PPP2R5E: variants seen among roughly 807,000 people sequenced by gnomAD.
PPP2R5E encodes the protein protein phosphatase 2 regulatory subunit B'epsilon.
In PPP2R5E, 4 loss-of-function variants were observed where a neutral mutation model predicts 65.3. The ratio of observed to expected loss-of-function variants is 0.06; its 90% CI spans 0.03 to 0.14. PPP2R5E has a LOEUF of 0.14. Among genes scored for constraint, PPP2R5E ranks in the 10% least tolerant of loss-of-function variants. PPP2R5E has a pLI of 1.00. For missense variants in PPP2R5E, 274 were observed against 556.1 expected, an observed-to-expected ratio of 0.49 and a Z score of 5.10; for synonymous variants, 183 against 187.4, an observed-to-expected ratio of 0.98 and a Z score of 0.19.
intron 13 of PPP2R5E, among the ~76,000 whole-genome samples, chr14:63,380,413 A>G (rs1219126577): frequency 1.3e-5 from 2 of 152,176 alleles, no homozygotes; most frequent in Non-Finnish European, 2.9e-5. Flanking sequence ...CTGTAATCCC[A>G]GCACTTTGGG....
At chr14:63,516,072 A>G (rs1456742040) in intron 2 of PPP2R5E, among the ~76,000 whole-genome samples, 2 of 151,794 alleles carry the variant, frequency 1.3e-5, no homozygotes, top group African/African-American at 4.8e-5. Flanking sequence ...GATGGTCTCG[A>G]TCTCCTGACC....
At chr14:63,398,508 C>A (rs1885540036) in intron 5 of PPP2R5E, among the ~76,000 whole-genome samples, 1 of 152,146 alleles carries the variant, frequency 6.6e-6, no homozygotes, top group South Asian at 2.1e-4. Context: ...TTGATCATTA[C>A]AGAAAAGCAA....
At chr14:63,524,207 G>A (rs569969978) in intron 2 of PPP2R5E, among the ~76,000 whole-genome samples, 20 of 152,210 alleles carry the variant, frequency 1.3e-4, no homozygotes, top group Non-Finnish European at 2.4e-4. Flanking sequence ...AAAATTTAAC[G>A]TCACTGTGAG....
intron 2 of PPP2R5E, among the ~76,000 whole-genome samples, chr14:63,478,872 C>A (rs952839515): frequency 1.3e-5 from 2 of 152,158 alleles, no homozygotes; most frequent in African/African-American, 4.8e-5. Context: ...CCTGTAATCC[C>A]AGCACTTTGG....
At chr14:63,421,049 T>A (rs1446216847) in intron 4 of PPP2R5E, among the ~76,000 whole-genome samples, 1 of 32,512 alleles carries the variant, frequency 3.1e-5, no homozygotes, top group Non-Finnish European at 4.5e-5. Flanking sequence ...CGAGACTCCG[T>A]CTCAAAAAAA....
intron 2 of PPP2R5E, among the ~76,000 whole-genome samples, chr14:63,454,944 G>A (rs1230453353): frequency 6.6e-6 from 1 of 152,182 alleles, no homozygotes; most frequent in Non-Finnish European, 1.5e-5. Flanking sequence ...CAATCATTGA[G>A]GTCCCACAGG....
intron 5 of PPP2R5E, 36 bp from the exon 6 acceptor site, chr14:63,396,752 C>A (rs143836198): frequency 3.1e-6 from 5 of 1,597,630 alleles, no homozygotes; most frequent in Non-Finnish European, 4.3e-6. Context: ...CTGTCAAAGG[C>A]GGTTTCAGAA....
At chr14:63,418,992 G>A (rs530064150) in intron 4 of PPP2R5E, among the ~76,000 whole-genome samples, 5 of 152,066 alleles carry the variant, frequency 3.3e-5, no homozygotes, top group South Asian at 2.1e-4. Context: ...GATTACAGGC[G>A]TGTGCTGCCA....
intron 2 of PPP2R5E, among the ~76,000 whole-genome samples, chr14:63,486,064 A>T (rs1890978610): frequency 1.3e-5 from 2 of 151,900 alleles, no homozygotes; most frequent in African/African-American, 2.4e-5. Flanking sequence ...TCCTGATTTC[A>T]GGTGATCTGC....
In PPP2R5E at chr14:63,409,551, G is replaced by A. The variant is rs189703389; in HGVS notation, c.549+5589C>T. ...CTATGCCCCATAGGTGATACCAGTAGACATTTTTACAAGTCATCTCATTTT... is the reference window on the plus strand; with the variant it reads ...CTATGCCCCATAGGTGATACCAGTAAACATTTTTACAAGTCATCTCATTTT... On this transcript the variant is annotated intron_variant, in intron 5 of 13. Coordinates refer to ENST00000337537, the MANE Select transcript of PPP2R5E (RefSeq NM_006246.5). Among the ~76,000 whole-genome samples, 80 of 152,280 alleles carry A rather than the reference G, an allele frequency of 5.3e-4. 1 individual carries two copies. The East Asian group carries it at 0.01, about 20-fold the overall frequency.
At chr14:63,447,295 C>G (rs1888532719) in intron 3 of PPP2R5E, among the ~76,000 whole-genome samples, 1 of 152,236 alleles carries the variant, frequency 6.6e-6, no homozygotes, top group Non-Finnish European at 1.5e-5. Context: ...TAGCCACCTT[C>G]ATCAATGTCT....
At position 63,539,678 on chromosome 14, in the gene PPP2R5E, G is replaced by A. The variant is rs373172813; in HGVS notation, c.8C>T (p.Ser3Leu). The stretch of plus-strand genomic sequence containing the variant: ...CACTGATGGAGGAGTAGTTGGTGCT[G>A]AGGACATATCCCTACTGAAGAGAAA... The part of the protein sequence containing the change: MS[S>L]APTTPPSVDK... Residue 3 changes from serine to leucine, a missense_variant, in exon 2 of 14, where the codon TCA (serine) becomes TTA (leucine). Around this residue, in one of 6 missense-constraint regions of PPP2R5E, gnomAD observed 58 missense variants for 64.8 expected, o/e 0.90. Transcript: ENST00000337537. 2 of 1,613,654 alleles carry A rather than the reference G, an allele frequency of 1.2e-6. No individual in the cohort carries two copies. The highest frequency in any genetic ancestry group is 1.7e-6 in the Non-Finnish European group (2 of 1,179,686).
chr14:63,531,075 G>A (rs187664192), intron 2 of PPP2R5E, among the ~76,000 whole-genome samples: 3 of 152,326 alleles, frequency 2.0e-5, no homozygotes, highest in Admixed American at 1.3e-4. Flanking sequence ...TAAAAATACA[G>A]GAGAATTTCC....
At chr14:63,531,143 G>A (rs999888659) in intron 2 of PPP2R5E, among the ~76,000 whole-genome samples, 1 of 152,148 alleles carries the variant, frequency 6.6e-6, no homozygotes, top group African/African-American at 2.4e-5. Flanking sequence ...GCTCCAGCCT[G>A]GGCAACAAGA....
At chr14:63,517,045 C>T (rs2139712355) in intron 2 of PPP2R5E, among the ~76,000 whole-genome samples, 1 of 152,204 alleles carries the variant, frequency 6.6e-6, no homozygotes, top group Admixed American at 6.5e-5. Flanking sequence ...CCACTTGAAA[C>T]CCAAGTCTTA....
intron 8 of PPP2R5E, among the ~76,000 whole-genome samples, chr14:63,393,332 T>C (rs932094347): frequency 1.3e-5 from 2 of 152,190 alleles, no homozygotes; most frequent in Non-Finnish European, 1.5e-5. Context: ...ATTTCCATGA[T>C]TCTACTGTGC....
intron 3 of PPP2R5E, among the ~76,000 whole-genome samples, chr14:63,436,086 A>G (rs776139382): frequency 1.8e-4 from 28 of 152,218 alleles, no homozygotes; most frequent in Non-Finnish European, 3.7e-4. Context: ...ATGTGATACC[A>G]AGGCTTTGCT....
At chr14:63,531,931 C>T (rs1893455562) in intron 2 of PPP2R5E, among the ~76,000 whole-genome samples, 1 of 151,152 alleles carries the variant, frequency 6.6e-6, no homozygotes, top group Non-Finnish European at 1.5e-5. Context: ...CCAGCCTGGG[C>T]AACAAGAGCG....
At chr14:63,451,824 AG>A (rs1249706403) in intron 3 of PPP2R5E, 1 of 152,170 alleles carries the variant, frequency 6.6e-6, no homozygotes, top group Non-Finnish European at 1.5e-5. Flanking sequence ...GTGCAGGGAC[AG>A]GGGCATATGA....
Sources: gnomAD v4.1 joint callset for allele counts (sites outside exome capture counted in the v4.1 genomes callset) on GRCh38, gnomAD v4.1.1 for gene constraint, gnomAD v4.1.1 regional missense constraint, MANE v1.5 for transcripts, NCBI Gene and HGNC (gene_info 2026-07-23, HGNC 2026-07-21) for gene names.